HDAC8: variants seen among roughly 807,000 people sequenced by gnomAD.
The protein encoded by HDAC8 is histone deacetylase 8, also known as histone deacetylase-like 1.
HDAC8 carries 1 observed loss-of-function variant against 32.2 expected under a neutral mutation model. That is an observed-to-expected ratio of 0.03 (90% CI 0.01 to 0.15). The LOEUF is 0.15. Ranked by LOEUF, HDAC8 falls within the 10% of genes least tolerant of loss-of-function variation. The pLI, the probability that HDAC8 is intolerant of heterozygous loss-of-function variation, is 1.00. For missense variants in HDAC8, 117 were observed against 300.0 expected, an observed-to-expected ratio of 0.39 and a Z score of 4.51; for synonymous variants, 108 against 113.9, an observed-to-expected ratio of 0.95 and a Z score of 0.33.
chrX:72,508,634 T>C (rs1159649295), intron 4 of HDAC8, among the ~76,000 whole-genome samples: 2 of 111,881 alleles, frequency 1.8e-5, no homozygotes, highest in African/African-American at 3.3e-5. Context: ...AATAATCTCT[T>C]TATGGATTAA....
chrX:72,414,453 T>C (rs1469579813), intron 9 of HDAC8, among the ~76,000 whole-genome samples: 2 of 111,956 alleles, frequency 1.8e-5, no homozygotes, highest in African/African-American at 3.3e-5. Flanking sequence ...AAATAACTAA[T>C]ACAAAGGCAT....
chrX:72,387,563 C>T (rs1220781270), intron 9 of HDAC8, among the ~76,000 whole-genome samples: 1 of 111,562 alleles, frequency 9.0e-6, no homozygotes, highest in Non-Finnish European at 1.9e-5. Context: ...CCAGAGCCAC[C>T]CTGCCTGGGT....
chrX:72,453,522 A>AAGAAAGAAAGAAAGAAAGAAAGAAAGAG (rs782484053), intron 9 of HDAC8, among the ~76,000 whole-genome samples: 1 of 74,109 alleles, frequency 1.3e-5, no homozygotes, highest in African/African-American at 5.5e-5. Flanking sequence ...GAAAGAAAGA[A>AAGAAAGAAAGAAAGAAAGAAAGAAAGAG]AAAGAAAGAA....
At chrX:72,468,939 G>A (rs900097616) in intron 7 of HDAC8, among the ~76,000 whole-genome samples, 1 of 111,344 alleles carries the variant, frequency 9.0e-6, no homozygotes, top group East Asian at 2.8e-4. Flanking sequence ...TAACATCAGA[G>A]TTCCTTTATC....
intron 5 of HDAC8, among the ~76,000 whole-genome samples, chrX:72,493,017 G>A (rs1045458729): frequency 1.8e-5 from 2 of 111,665 alleles, no homozygotes; most frequent in African/African-American, 3.3e-5. Flanking sequence ...TGAATAATAC[G>A]GGACTTGAGA....
intron 4 of HDAC8, among the ~76,000 whole-genome samples, chrX:72,557,585 G>A (rs899612418): frequency 1.7e-4 from 19 of 110,638 alleles, no homozygotes; most frequent in African/African-American, 6.3e-4. Flanking sequence ...GTGCTAAGGG[G>A]AAATGCCCCT....
intron 9 of HDAC8, among the ~76,000 whole-genome samples, chrX:72,426,273 G>T (rs2046635875): frequency 8.9e-6 from 1 of 111,743 alleles, no homozygotes; most frequent in Admixed American, 9.5e-5. Flanking sequence ...ATTGTGTATA[G>T]TTAACTTACT....
chrX:72,369,717 A>G (rs1555955726), intron 9 of HDAC8, among the ~76,000 whole-genome samples: 2 of 112,620 alleles, frequency 1.8e-5, no homozygotes, highest in Non-Finnish European at 3.8e-5. Flanking sequence ...ACAAGCTCTA[A>G]AGGCTGTGCC....
chrX:72,343,972 C>T (rs1199882316), intron 10 of HDAC8, among the ~76,000 whole-genome samples: 1 of 112,708 alleles, frequency 8.9e-6, no homozygotes, highest in Non-Finnish European at 1.9e-5. Flanking sequence ...CAAGGAGGCC[C>T]ACCCACTGCT....
At chrX:72,532,081 T>C (rs1270806546) in intron 4 of HDAC8, among the ~76,000 whole-genome samples, 1 of 109,991 alleles carries the variant, frequency 9.1e-6, no homozygotes, top group Non-Finnish European at 1.9e-5. Context: ...ATGTTTTTTG[T>C]TTTATTTTAT....
intron 9 of HDAC8, among the ~76,000 whole-genome samples, chrX:72,403,956 A>G (rs2045973174): frequency 9.0e-6 from 1 of 111,460 alleles, no homozygotes; most frequent in Non-Finnish European, 1.9e-5. Flanking sequence ...AAACCTGCAC[A>G]TGTACCCCTT....
At chrX:72,563,238 CTTATAATCA>C (rs1280085388) in intron 4 of HDAC8, among the ~76,000 whole-genome samples, 1 of 111,573 alleles carries the variant, frequency 9.0e-6, no homozygotes, top group African/African-American at 3.3e-5. Context: ...CCCTATAATC[CTTATAATCA>C]TTATTTAAAA....
At chrX:72,506,006 C>T (rs1315898724) in intron 4 of HDAC8, among the ~76,000 whole-genome samples, 2 of 111,657 alleles carry the variant, frequency 1.8e-5, no homozygotes, top group African/African-American at 3.3e-5. Flanking sequence ...AACTAAAACC[C>T]GACTGCCCAA....
intron 10 of HDAC8, among the ~76,000 whole-genome samples, chrX:72,337,089 G>C (rs2043718156): frequency 8.9e-6 from 1 of 111,993 alleles, no homozygotes; most frequent in Non-Finnish European, 1.9e-5. Flanking sequence ...TCTTATTGTT[G>C]AGTTTTAAGA....
chrX:72,374,104 G>T (rs1314364543), intron 9 of HDAC8, among the ~76,000 whole-genome samples: 1 of 111,677 alleles, frequency 9.0e-6, no homozygotes, highest in African/African-American at 3.3e-5. Context: ...GAGTGCAGTG[G>T]TACAATCATA....
chrX:72,362,327 C>A (rs1555952944), intron 9 of HDAC8, among the ~76,000 whole-genome samples: 1 of 111,843 alleles, frequency 8.9e-6, no homozygotes, highest in African/African-American at 3.3e-5. Flanking sequence ...CTCCCCTTTG[C>A]CTTCCACCAT....
intron 9 of HDAC8, among the ~76,000 whole-genome samples, chrX:72,356,350 TA>T (rs2044360022): frequency 9.0e-6 from 1 of 110,829 alleles, no homozygotes; most frequent in Non-Finnish European, 1.9e-5. Flanking sequence ...TAGATATGAC[TA>T]GGGGGCACGG....
chrX:72,424,663 C>A (rs2046585607), intron 9 of HDAC8, among the ~76,000 whole-genome samples: 1 of 111,545 alleles, frequency 9.0e-6, no homozygotes, highest in Non-Finnish European at 1.9e-5. Context: ...ACTTCCAGAA[C>A]TTTTTCATGA....
At chrX:72,532,945 G>T (rs2050398753) in intron 4 of HDAC8, among the ~76,000 whole-genome samples, 1 of 111,646 alleles carries the variant, frequency 9.0e-6, no homozygotes, top group Admixed American at 9.5e-5. Flanking sequence ...CCTAACCCAG[G>T]TCACAAAGAT....
Sources: gnomAD v4.1 joint callset for allele counts (sites outside exome capture counted in the v4.1 genomes callset) on GRCh38, gnomAD v4.1.1 for gene constraint, MANE v1.5 for transcripts, NCBI Gene and HGNC (gene_info 2026-07-23, HGNC 2026-07-21) for gene names.